SH3PXD2B: variants seen among roughly 807,000 people sequenced by gnomAD.
The protein encoded by SH3PXD2B is SH3 and PX domain-containing protein 2B.
A neutral mutation model predicts 73.1 loss-of-function variants in SH3PXD2B; 37 were observed. That is an observed-to-expected ratio of 0.51 (90% CI 0.39 to 0.67). SH3PXD2B has a LOEUF of 0.67. Ranked by LOEUF, SH3PXD2B falls within the 30% of genes least tolerant of loss-of-function variation. The pLI is 0.00. For synonymous variants in SH3PXD2B, 457 were observed against 480.5 expected, an observed-to-expected ratio of 0.95 and a Z score of 0.64; for missense variants, 1,053 against 1,197.8, an observed-to-expected ratio of 0.88 and a Z score of 1.78.
chr5:172,363,125 G>T (rs555605453), intron 6 of SH3PXD2B, among the ~76,000 whole-genome samples: 26 of 152,240 alleles, frequency 1.7e-4, no homozygotes, highest in African/African-American at 6.3e-4. Context: ...GATGTTGACA[G>T]CCTAGAGGGA....
chr5:172,336,260 T>A lies in SH3PXD2B; in HGVS notation c.*2109A>T. 1.0e-6 allele frequency: 1 copy of A among 985,466 alleles called. No homozygotes were observed. The highest frequency in any genetic ancestry group is 1.2e-6 in the Non-Finnish European group (1 of 829,942). The allele number at this position is 985,466 out of a possible 1,614,324, so 61.0% of individuals were successfully genotyped here. A position where few individuals can be genotyped will look rare whatever the true frequency, so the allele number is the denominator to read the frequency against. The stretch of plus-strand genomic sequence containing the variant: ...TCTCACATAGCTTCACAAAAGTTGT[T>A]TAAACCAAAGTGGATCAAGAACTCA... On this transcript the variant is annotated 3_prime_UTR_variant, in exon 13 of 13. Transcript: ENST00000311601.
At chr5:172,361,114 C>T (rs1361338647) in intron 7 of SH3PXD2B, among the ~76,000 whole-genome samples, 1 of 151,916 alleles carries the variant, frequency 6.6e-6, no homozygotes, top group Non-Finnish European at 1.5e-5. Flanking sequence ...TATATACATA[C>T]AAAATATGAT....
intron 7 of SH3PXD2B, among the ~76,000 whole-genome samples, chr5:172,361,167 GTGTA>G (rs920940517): frequency 4.2e-4 from 64 of 152,008 alleles, no homozygotes; most frequent in Admixed American, 2.4e-3. Flanking sequence ...ATGAGTACCT[GTGTA>G]TGTGTGAGTG....
intron 4 of SH3PXD2B, among the ~76,000 whole-genome samples, chr5:172,386,015 C>T (rs1561916789): frequency 6.6e-6 from 1 of 152,318 alleles, no homozygotes; most frequent in East Asian, 1.9e-4. Flanking sequence ...GATCCTGGCG[C>T]TTTGGACAGA....
intron 1 of SH3PXD2B, 73 bp from the exon 2 acceptor site, chr5:172,422,569 C>T (rs1758997161): frequency 7.2e-7 from 1 of 1,394,380 alleles, no homozygotes. Context: ...CCAGGGGGAG[C>T]ACAAGACTCA....
At chr5:172,375,562 G>A (rs1757805378) in intron 5 of SH3PXD2B, among the ~76,000 whole-genome samples, 2 of 152,092 alleles carry the variant, frequency 1.3e-5, no homozygotes, top group Admixed American at 1.3e-4. Context: ...TGTCTCTAAC[G>A]ATTTGCCTAT....
In SH3PXD2B at chr5:172,353,405, T is replaced by C. The variant is rs903782877; in HGVS notation, c.785+483A>G. On this transcript the variant is annotated intron_variant, in intron 9 of 12. Coordinates refer to ENST00000311601, the MANE Select transcript of SH3PXD2B (RefSeq NM_001017995.3). The surrounding 1 kb of genome is among the most constrained non-coding windows in gnomAD (Gnocchi z 4.3). ...CCTGGGAGGCTCTGATATCATCACA[T>C]AGGTGAAAGGGCTGTGAAAGGTGTT... Among the ~76,000 whole-genome samples, 1 of 152,190 alleles carries C rather than the reference T, an allele frequency of 6.6e-6. No homozygotes were observed. Among genetic ancestry groups the C allele is most frequent in the Non-Finnish European group, 1.5e-5 (1 of 68,044 alleles).
chr5:172,392,101 C>T lies in SH3PXD2B; in HGVS notation c.309+2462G>A, dbSNP rs534619942. 3.3e-5 allele frequency among the ~76,000 whole-genome samples: 5 copies of T among 151,668 alleles called. No homozygotes were observed. The East Asian group carries it at 9.7e-4, about 29-fold the overall frequency. On this transcript the variant is annotated intron_variant, in intron 4 of 12. Transcript: ENST00000311601. ...GGGTTATAGTGTTTTGCTCTCCACC[C>T]CCTATTTATATATTAAAGACCTAAC...
chr5:172,416,528 A>C (rs1189897977), intron 2 of SH3PXD2B, among the ~76,000 whole-genome samples: 2 of 150,884 alleles, frequency 1.3e-5, no homozygotes, highest in East Asian at 3.9e-4. Flanking sequence ...GGGTTTCACT[A>C]TCTTGGCCAG....
In SH3PXD2B at chr5:172,389,057, C is replaced by CT. The variant is rs113765077; in HGVS notation, c.309+5505dup. Among the ~76,000 whole-genome samples the CT allele has an allele frequency of 5.9e-3, 802 of 136,488 alleles. 8 individuals carry two copies. The highest frequency in any genetic ancestry group is 0.044 in the East Asian group (210 of 4,822). The allele number at this position is 136,488 out of a possible 152,430, so 89.5% of individuals were successfully genotyped here. Reference sequence around the variant, plus strand: ...TTGGCCTTTTGCATTTTTACTTTTTCTTTTTTTTTTTTTTTTGAGACTGAG... The same window carrying CT: ...TTGGCCTTTTGCATTTTTACTTTTTCTTTTTTTTTTTTTTTTTGAGACTGAG... On this transcript the variant is annotated intron_variant, in intron 4 of 12. Coordinates refer to ENST00000311601, the MANE Select transcript of SH3PXD2B (RefSeq NM_001017995.3).
chr5:172,448,413 C>T (rs936545812), intron 1 of SH3PXD2B, among the ~76,000 whole-genome samples: 1 of 152,160 alleles, frequency 6.6e-6, no homozygotes, highest in African/African-American at 2.4e-5. Flanking sequence ...TGAAGTGGCG[C>T]AATCTCGGCT....
Position 172,334,335 on chromosome 5 carries a change from T to C in SH3PXD2B, c.*4034A>G. 1 of 996,472 alleles carries C rather than the reference T, an allele frequency of 1.0e-6. No individual in the cohort carries two copies. Among genetic ancestry groups the C allele is most frequent in the African/African-American group, 1.7e-5 (1 of 57,384 alleles). 61.7% of individuals were successfully genotyped at this position (996,472 alleles called of 1,614,324 possible). On this transcript the variant is annotated 3_prime_UTR_variant, in exon 13 of 13. Transcript: ENST00000311601. ...GCCTGGGACCCTCGTGGAAACTTAC[T>C]CTAGTTAGGAGCAATTCCTCCAGGC...
At chr5:172,446,526 G>A (rs1012739583) in intron 1 of SH3PXD2B, among the ~76,000 whole-genome samples, 1 of 152,160 alleles carries the variant, frequency 6.6e-6, no homozygotes, top group African/African-American at 2.4e-5. Flanking sequence ...CTCTTTCTCC[G>A]AGGAAAAAAG....
At chr5:172,359,223 C>T (rs560733714) in intron 7 of SH3PXD2B, among the ~76,000 whole-genome samples, 30 of 151,696 alleles carry the variant, frequency 2.0e-4, no homozygotes, top group Admixed American at 1.1e-3. Context: ...CCTGTCTGTA[C>T]GAAAAATTTA....
At chr5:172,422,163 G>A (rs1758979636) in intron 2 of SH3PXD2B, among the ~76,000 whole-genome samples, 1 of 152,062 alleles carries the variant, frequency 6.6e-6, no homozygotes, top group South Asian at 2.1e-4. Flanking sequence ...CCTGGCTAAT[G>A]TTTGTATTTT....
At position 172,422,490 on chromosome 5, in the gene SH3PXD2B, T is replaced by C. The variant is rs1232193822; in HGVS notation, c.82A>G (p.Ile28Val). 1.9e-6 allele frequency: 3 copies of C among 1,611,736 alleles called. No individual in the cohort carries two copies. The highest frequency in any genetic ancestry group is 1.7e-5 in the Admixed American group (1 of 59,864). The change falls in exon 2 of 13, where the codon ATC (isoleucine) becomes GTC (valine). Residue 28 changes from isoleucine (I) to valine (V), a missense_variant. Around this residue, in one of 2 missense-constraint regions of SH3PXD2B, gnomAD observed 466 missense variants for 607.1 expected, o/e 0.77. Coordinates refer to ENST00000311601, the MANE Select transcript of SH3PXD2B (RefSeq NM_001017995.3). ...CCGCTGGACCACGTGACCCGGATGATGTAGACCTGCGGGAGCAACAGAGGA... is the reference window on the plus strand; with the variant it reads ...CCGCTGGACCACGTGACCCGGATGACGTAGACCTGCGGGAGCAACAGAGGA... Reference protein sequence around the residue: ...RRVPNKHYVYIIRVTWSSGST... With the variant: ...RRVPNKHYVYVIRVTWSSGST...
intron 9 of SH3PXD2B, among the ~76,000 whole-genome samples, chr5:172,352,212 T>A (rs976591021): frequency 2.0e-5 from 3 of 152,184 alleles, no homozygotes; most frequent in Non-Finnish European, 2.9e-5. Flanking sequence ...TATCCTTTTT[T>A]AAAAAGTTTA....
chr5:172,384,784 C>T (rs1189356684), intron 4 of SH3PXD2B, among the ~76,000 whole-genome samples: 1 of 152,210 alleles, frequency 6.6e-6, no homozygotes, highest in East Asian at 1.9e-4. Flanking sequence ...GCCAACCCTA[C>T]ATTACTTTGA....
intron 2 of SH3PXD2B, among the ~76,000 whole-genome samples, chr5:172,418,882 CG>C (rs1343728871): frequency 6.6e-6 from 1 of 152,102 alleles, no homozygotes; most frequent in African/African-American, 2.4e-5. Flanking sequence ...AAAGTTGAGT[CG>C]GAACAGGAGA....
Sources: allele counts gnomAD v4.1 joint callset (sites outside exome capture counted in the v4.1 genomes callset), GRCh38; gene constraint gnomAD v4.1.1; regional missense constraint gnomAD v4.1.1; non-coding constraint Gnocchi (gnomAD v3.1); transcripts MANE v1.5; gene names NCBI Gene and HGNC (gene_info 2026-07-23, HGNC 2026-07-21).